PSD: variants seen among roughly 807,000 people sequenced by gnomAD.
PSD encodes PH and SEC7 domain-containing protein 1.
Under a neutral mutation model 91.6 loss-of-function variants are expected in PSD, and 32 were observed. The ratio of observed to expected loss-of-function variants is 0.35; its 90% CI spans 0.26 to 0.47. PSD has a LOEUF of 0.47. Ranked by LOEUF, PSD falls within the 20% of genes least tolerant of loss-of-function variation. The probability of loss-of-function intolerance (pLI) is 1.00; values close to 1 mark genes in which losing one functional copy is unlikely to be tolerated. For synonymous variants in PSD, 532 were observed against 569.3 expected (o/e 0.93, Z 0.93); for missense variants, 1,099 against 1,373.9 (o/e 0.80, Z 3.16).
Position 102,416,227 on chromosome 10 carries a change from G to T in PSD, c.655-108C>A. On this transcript the variant is annotated intron_variant, in intron 2 of 16. Coordinates refer to ENST00000020673, the MANE Select transcript of PSD (RefSeq NM_002779.5). The surrounding 1 kb of genome is among the most constrained non-coding windows in gnomAD (Gnocchi z 6.0). ...TAAAACATGCATCGACAGAGATGGA[G>T]GTTCAGAGACACAGAGACAAACACA... 8.4e-7 allele frequency: 1 copy of T among 1,197,260 alleles called. No homozygotes were observed. Among genetic ancestry groups the T allele is most frequent in the South Asian group, 1.4e-5 (1 of 69,720 alleles). 74.2% of individuals were successfully genotyped at this position (1,197,260 alleles called of 1,614,324 possible).
intron 3 of PSD, among the ~76,000 whole-genome samples, chr10:102,415,677 G>T (rs1043857831): frequency 3.9e-5 from 6 of 152,252 alleles, no homozygotes; most frequent in African/African-American, 1.4e-4. Flanking sequence ...GTCCAGGCTG[G>T]TCTTGGACTC....
At position 102,414,951 on chromosome 10, in the gene PSD, C is replaced by T. The variant is rs780416746; in HGVS notation, c.1036G>A (p.Gly346Ser). The T allele has an allele frequency of 1.5e-5, 24 of 1,558,188 alleles. No individual in the cohort carries two copies. Among genetic ancestry groups the T allele is most frequent in the Admixed American group, 1.2e-4 (7 of 56,364 alleles). Residue 346 changes from glycine to serine, a missense_variant, in exon 4 of 17, where the codon GGC becomes AGC. Physicochemically the swap from Gly to Ser is moderately conservative, Grantham distance 56. This residue lies in a region of PSD where 631 missense variants were observed against 728.8 expected (regional missense o/e 0.87). Transcript: ENST00000020673. The surrounding 1 kb of genome is among the most constrained non-coding windows in gnomAD (Gnocchi z 5.6). ...TCGTCCTCATCCTCATTGCCACTGC[C>T]GAGGCTGGGATGAGGGCCAGGGAGT... ...GPLPGPHPSLGSGNEDEDDDE... is the reference protein window; with the variant it reads ...GPLPGPHPSLSSGNEDEDDDE...
At position 102,403,012 on chromosome 10, in the gene PSD, C is replaced by T. The variant is rs1319576295; in HGVS notation, c.*188G>A. 18 of 257,042 alleles carry T rather than the reference C, an allele frequency of 7.0e-5. No homozygotes were observed. The highest frequency in any genetic ancestry group is 1.1e-3 in the Middle Eastern group (1 of 942). The allele number at this position is 257,042 out of a possible 1,614,324, so 15.9% of individuals were successfully genotyped here. Reference sequence around the variant, plus strand: ...AAACATTATCACAAAAAGGGGCTCTCGGAGGTGCCCCTAGCCTAGGCTCCT... The same window carrying T: ...AAACATTATCACAAAAAGGGGCTCTTGGAGGTGCCCCTAGCCTAGGCTCCT... On this transcript the variant is annotated 3_prime_UTR_variant, in exon 17 of 17. Transcript: ENST00000020673. This position sits in a 1 kb window ranked among gnomAD's most constrained non-coding sequence, Gnocchi z 6.7.
Position 102,416,184 on chromosome 10 carries a change from T to C in PSD, c.655-65A>G. The C allele has an allele frequency of 1.5e-6, 2 of 1,341,098 alleles. No homozygotes were observed. The highest frequency in any genetic ancestry group is 2.1e-6 in the Non-Finnish European group (2 of 956,938). The allele number at this position is 1,341,098 out of a possible 1,614,324, so 83.1% of individuals were successfully genotyped here. A position where few individuals can be genotyped will look rare whatever the true frequency, so the allele number is the denominator to read the frequency against. On this transcript the variant is annotated intron_variant, in intron 2 of 16. Coordinates refer to ENST00000020673, the MANE Select transcript of PSD (RefSeq NM_002779.5). The surrounding 1 kb of genome is among the most constrained non-coding windows in gnomAD (Gnocchi z 6.0). ...CCAGACATACAAGGACACAAGAATA[T>C]GGGACAGAAACAGAAATTAAAACAT...
chr10:102,408,041 G>A (rs983839722), intron 10 of PSD, among the ~76,000 whole-genome samples: 2 of 152,236 alleles, frequency 1.3e-5, no homozygotes, highest in Non-Finnish European at 2.9e-5. Flanking sequence ...GGTCAGAAGA[G>A]AGAATAGGCT....
chr10:102,414,325 A>C lies in PSD; in HGVS notation c.1125-128T>G. 1.0e-6 allele frequency: 1 copy of C among 952,920 alleles called. No homozygotes were observed. The highest frequency in any genetic ancestry group is 1.5e-6 in the Non-Finnish European group (1 of 648,260). The allele number at this position is 952,920 out of a possible 1,614,324, so 59.0% of individuals were successfully genotyped here. ...CCTTTTCACTGGCTCCAGCCCACTA[A>C]CAAAAAAGAGCCTCTAGGGTAGGGC... On this transcript the variant is annotated intron_variant, in intron 4 of 16. Coordinates refer to ENST00000020673, the MANE Select transcript of PSD (RefSeq NM_002779.5). The surrounding 1 kb of genome is among the most constrained non-coding windows in gnomAD (Gnocchi z 5.6).
intron 11 of PSD, among the ~76,000 whole-genome samples, chr10:102,406,862 G>T (rs2061368306): frequency 6.6e-6 from 1 of 152,136 alleles, no homozygotes. Flanking sequence ...TACTTGTTTT[G>T]TTCTGTGACA....
At position 102,404,118 on chromosome 10, in the gene PSD, G is replaced by A; in HGVS notation, c.2701-133C>T. On this transcript the variant is annotated intron_variant, in intron 15 of 16. Transcript: ENST00000020673. The surrounding 1 kb of genome is among the most constrained non-coding windows in gnomAD (Gnocchi z 5.7). ...AATCCCAGCACTTTGGGAGGCCAAG[G>A]CGGGCGGATCACGAGGTCAGGAGAT... 9.0e-7 allele frequency: 1 copy of A among 1,112,200 alleles called. No individual in the cohort carries two copies. Among genetic ancestry groups the A allele is most frequent in the South Asian group, 1.8e-5 (1 of 54,684 alleles). The allele number at this position is 1,112,200 out of a possible 1,614,324, so 68.9% of individuals were successfully genotyped here.
At position 102,403,943 on chromosome 10, in the gene PSD, C is replaced by T. The variant is rs780429599; in HGVS notation, c.2743G>A (p.Ala915Thr). 9 of 1,581,412 alleles carry T rather than the reference C, an allele frequency of 5.7e-6. No homozygotes were observed. The East Asian group carries it at 2.1e-4, about 36-fold the overall frequency. ...RTHEAKLKAM[A>T]SELREHRAAQ... is the part of the protein sequence containing the mutation. ...GCCCGGTGCTCCCGCAGCTCACTTGCCATGGCCTTCAGCTTGGCCTCGTGG... is the reference window on the plus strand; with the variant it reads ...GCCCGGTGCTCCCGCAGCTCACTTGTCATGGCCTTCAGCTTGGCCTCGTGG... Residue 915 changes from alanine (A) to threonine (T), a missense_variant, in exon 16 of 17, where the codon GCA (alanine) becomes ACA (threonine). Transcript: ENST00000020673. This position sits in a 1 kb window ranked among gnomAD's most constrained non-coding sequence, Gnocchi z 6.7.
In PSD at chr10:102,410,097, C is replaced by T. The variant is rs1424340878; in HGVS notation, c.2091+761G>A. 6.6e-6 allele frequency among the ~76,000 whole-genome samples: 1 copy of T among 152,214 alleles called. No homozygotes were observed. The highest frequency in any genetic ancestry group is 6.5e-5 in the Admixed American group (1 of 15,294). On this transcript the variant is annotated intron_variant, in intron 10 of 16. Coordinates refer to ENST00000020673, the MANE Select transcript of PSD (RefSeq NM_002779.5). The surrounding 1 kb of genome is among the most constrained non-coding windows in gnomAD (Gnocchi z 6.0). ...GCTCACAGAAACGCCCTAGGACAATCCTGTGCTGTTACATGTATGTAGTGG... is the reference window on the plus strand; with the variant it reads ...GCTCACAGAAACGCCCTAGGACAATTCTGTGCTGTTACATGTATGTAGTGG...
rs1423426859 is a variant in PSD, at chr10:102,404,153, C to A, written c.2701-168G>T. The stretch of plus-strand genomic sequence containing the variant: ...CACGAGGTCAGGAGATCGAGACCAT[C>A]CTGGCTAACACGGTGAAACCCCGTC... On this transcript the variant is annotated intron_variant, in intron 15 of 16. Coordinates refer to ENST00000020673, the MANE Select transcript of PSD (RefSeq NM_002779.5). This position sits in a 1 kb window ranked among gnomAD's most constrained non-coding sequence, Gnocchi z 5.7. Among the ~76,000 whole-genome samples the A allele has an allele frequency of 1.3e-5, 2 of 152,170 alleles. No individual in the cohort carries two copies. Among genetic ancestry groups the A allele is most frequent in the Non-Finnish European group, 2.9e-5 (2 of 68,028 alleles).
chr10:102,412,152 A>G lies in PSD; in HGVS notation c.1824T>C (p.Ala608=). ...TCCAAGGGGTCAACACCCACCTGAG[A>G]GCTTGGTCCAGAGTCATGCCCGTGA... The part of the protein sequence containing the change: ...FVFTGMTLDQ[A]LRVFLKELAL... Residue 608 remains alanine, a synonymous_variant, in exon 7 of 17, where the codon GCT becomes GCC. Transcript: ENST00000020673. 3.1e-6 allele frequency: 5 copies of G among 1,614,048 alleles called. No individual in the cohort carries two copies. The highest frequency in any genetic ancestry group is 4.2e-6 in the Non-Finnish European group (5 of 1,179,954).
At chr10:102,413,336 C>A (rs559830039) in intron 5 of PSD, among the ~76,000 whole-genome samples, 1 of 152,082 alleles carries the variant, frequency 6.6e-6, no homozygotes, top group Admixed American at 6.5e-5. Context: ...TGGAGCTGGA[C>A]GAGAGATGCC....
Position 102,414,736 on chromosome 10 carries a change from C to A in PSD, c.1124+127G>T. On this transcript the variant is annotated intron_variant, in intron 4 of 16. Transcript: ENST00000020673. The surrounding 1 kb of genome is among the most constrained non-coding windows in gnomAD (Gnocchi z 5.6). The stretch of plus-strand genomic sequence containing the variant: ...CCTCTGTCTAGAATCTCCTGCTATA[C>A]ACACTGCCCCGCCAGCCCCACACCC... 1.6e-6 allele frequency: 2 copies of A among 1,287,960 alleles called. No individual in the cohort carries two copies. Among genetic ancestry groups the A allele is most frequent in the Non-Finnish European group, 1.0e-6 (1 of 965,238 alleles). 79.8% of individuals were successfully genotyped at this position (1,287,960 alleles called of 1,614,324 possible).
Position 102,416,816 on chromosome 10 carries a change from AG to A in PSD, c.222del (p.Ser75HisfsTer37). 1.2e-5 allele frequency: 19 copies of A among 1,598,038 alleles called. No individual in the cohort carries two copies. The highest frequency in any genetic ancestry group is 4.5e-5 in the South Asian group (4 of 88,720). On this transcript the variant is annotated frameshift_variant, in exon 2 of 17. Coordinates refer to ENST00000020673, the MANE Select transcript of PSD (RefSeq NM_002779.5). LOFTEE classifies it high-confidence loss of function. The surrounding 1 kb of genome is among the most constrained non-coding windows in gnomAD (Gnocchi z 6.0). ...TAPCTPLRGPPSPRVAPSPWA... is the reference protein window; with the variant it reads ...TAPCTPLRGPXSPRVAPSPWA... Reference sequence around the variant, plus strand: ...CAGGGTGAGGGAGCAACACGGGGTGAGGGGGGGCCACGCAGAGGTGTACAGG... The same window carrying A: ...CAGGGTGAGGGAGCAACACGGGGTGAGGGGGGCCACGCAGAGGTGTACAGG...
rs370461111 is a variant in PSD, at chr10:102,403,216, C to T, written c.3059G>A (p.Gly1020Glu). Residue 1020 changes from glycine to glutamate, a missense_variant, in exon 17 of 17, where the codon GGG becomes GAG. Physicochemically the swap from Gly to Glu is moderately conservative, Grantham distance 98. This residue lies in a region of PSD where 358 missense variants were observed against 426.5 expected (regional missense o/e 0.84). Coordinates refer to ENST00000020673, the MANE Select transcript of PSD (RefSeq NM_002779.5). This position sits in a 1 kb window ranked among gnomAD's most constrained non-coding sequence, Gnocchi z 6.7. ...AACCTCATCTCAGGGCTTCCGCCGC[C>T]CACTGCCTGCCCCTGGCCGAGGCTC... ...SSEPRPGAGSGRRKP is the reference protein window; with the variant it reads ...SSEPRPGAGSERRKP 2.1e-5 allele frequency: 33 copies of T among 1,574,820 alleles called. No individual in the cohort carries two copies. The African/African-American group carries it at 3.5e-4, about 17-fold the overall frequency.
At chr10:102,412,335 T>C in intron 6 of PSD, 46 bp downstream of exon 6, 1 of 1,611,602 alleles carries the variant, frequency 6.2e-7, no homozygotes, top group South Asian at 1.1e-5. Flanking sequence ...GCCTTCAGGA[T>C]GCATTCCCTC....
In PSD at chr10:102,416,635, G is replaced by A. The variant is rs1221463995; in HGVS notation, c.404C>T (p.Pro135Leu). 2.5e-6 allele frequency: 4 copies of A among 1,607,880 alleles called. No homozygotes were observed. In the South Asian group the frequency reaches 3.3e-5, roughly 13 times the overall value. ...RSWDLGGVSP[P>L]RPTPALGPGS... ...AGGCCCAAGGGCTGGGGTGGGCCTGGGAGGAGAAACCCCACCCAGATCCCA... is the reference window on the plus strand; with the variant it reads ...AGGCCCAAGGGCTGGGGTGGGCCTGAGAGGAGAAACCCCACCCAGATCCCA... The change falls in exon 2 of 17, where the codon CCC (proline) becomes CTC (leucine). Residue 135 changes from proline (P) to leucine (L), a missense_variant. Physicochemically the swap from Pro to Leu is moderately conservative, Grantham distance 98. Transcript: ENST00000020673. This position sits in a 1 kb window ranked among gnomAD's most constrained non-coding sequence, Gnocchi z 6.0.
rs147560532 is a variant in PSD at position 102,403,744 on chromosome 10, G to A, written c.2844+98C>T. ...AACTGAGGCTTAGGTTAAGCAACCT[G>A]CCCAAGGACCTCCGGCCGGTTCCAC... On this transcript the variant is annotated intron_variant, in intron 16 of 16. Transcript: ENST00000020673. The surrounding 1 kb of genome is among the most constrained non-coding windows in gnomAD (Gnocchi z 6.7). 423 of 1,454,298 alleles carry A rather than the reference G, an allele frequency of 2.9e-4. 4 individuals carry two copies. The East Asian group carries it at 9.5e-3, about 33-fold the overall frequency. The allele number at this position is 1,454,298 out of a possible 1,614,324, so 90.1% of individuals were successfully genotyped here.
Sources: gnomAD v4.1 joint callset for allele counts (sites outside exome capture counted in the v4.1 genomes callset) on GRCh38, gnomAD v4.1.1 for gene constraint, gnomAD v4.1.1 regional missense constraint, Gnocchi (gnomAD v3.1) non-coding constraint, MANE v1.5 for transcripts, NCBI Gene and HGNC (gene_info 2026-07-23, HGNC 2026-07-21) for gene names.